Variants in SOD2 observed in about 807,000 individuals in gnomAD.
SOD2 encodes superoxide dismutase 2, also known as superoxide dismutase [Mn], mitochondrial.
A neutral mutation model predicts 27.0 loss-of-function variants in SOD2; 11 were observed. That is an observed-to-expected ratio of 0.41 (90% CI 0.26 to 0.67). The LOEUF (loss-of-function observed/expected upper bound fraction) is 0.67. Ranked by LOEUF, SOD2 falls within the 30% of genes least tolerant of loss-of-function variation. The probability of loss-of-function intolerance (pLI) is 0.34; values close to 1 mark genes in which losing one functional copy is unlikely to be tolerated. For synonymous variants in SOD2, 105 were observed against 103.0 expected, an observed-to-expected ratio of 1.02 and a Z score of -0.12; for missense variants, 250 against 274.5, an observed-to-expected ratio of 0.91 and a Z score of 0.63.
intron 1 of SOD2, among the ~76,000 whole-genome samples, chr6:159,706,676 T>C (rs1023957474): frequency 3.3e-5 from 5 of 152,166 alleles, no homozygotes; most frequent in East Asian, 1.9e-4. Context: ...ATGGGAGACT[T>C]TAACACCCCA....
At chr6:159,693,798 G>A (rs1212144179), upstream of SOD2, among the ~76,000 whole-genome samples, 1 of 152,200 alleles carries the variant, frequency 6.6e-6, no homozygotes, top group African/African-American at 2.4e-5. Context: ...TAGAGCCAGC[G>A]CCCTTCCAAC....
chr6:159,719,726 ATTTTC>A (rs1347885192), intron 1 of SOD2, among the ~76,000 whole-genome samples: 1 of 89,716 alleles, frequency 1.1e-5, no homozygotes, highest in East Asian at 3.0e-4. Flanking sequence ...TTTTTCTTTT[ATTTTC>A]TTTTTTTTTT....
chr6:159,726,955 G>A (rs769992655), intron 1 of SOD2: 28 of 1,287,190 alleles, frequency 2.2e-5, no homozygotes, highest in South Asian at 1.9e-4. Context: ...ACGGATGAGC[G>A]TCACGAACAC....
upstream of SOD2, chr6:159,749,156 A>G: frequency 9.1e-6 from 9 of 985,990 alleles, no homozygotes; most frequent in African/African-American, 1.7e-5. Context: ...CTGTACAAAC[A>G]TGAAGGTGTG....
At chr6:159,689,682 G>A (rs570163672) in intron 2 of SOD2, among the ~76,000 whole-genome samples, 8 of 152,162 alleles carry the variant, frequency 5.3e-5, no homozygotes, top group Non-Finnish European at 1.0e-4. Flanking sequence ...TGTCTGGGCC[G>A]GGTGCGGTGG....
At chr6:159,742,196 G>A in intron 1 of SOD2, 1 of 1,413,094 alleles carries the variant, frequency 7.1e-7, no homozygotes, top group Non-Finnish European at 9.8e-7. Flanking sequence ...CCTTTTGATT[G>A]TTAAAATCAA....
At chr6:159,697,077 A>ACACACACC (rs974599812), upstream of SOD2, among the ~76,000 whole-genome samples, 4 of 149,528 alleles carry the variant, frequency 2.7e-5, 1 homozygote, top group Admixed American at 1.3e-4. Context: ...ACACACACAC[A>ACACACACC]CACGCAGTCA....
intron 1 of SOD2, among the ~76,000 whole-genome samples, chr6:159,754,284 T>C (rs551773608): frequency 1.3e-5 from 2 of 152,372 alleles, no homozygotes; most frequent in East Asian, 3.9e-4. Context: ...AATTATTTCC[T>C]GTGACTTTTG....
intron 1 of SOD2, among the ~76,000 whole-genome samples, chr6:159,720,049 G>A (rs529267911): frequency 1.1e-4 from 16 of 144,214 alleles, no homozygotes; most frequent in African/African-American, 4.1e-4. Context: ...TTTGGTGGGG[G>A]GGACAGAGTC....
chr6:159,693,594 G>C (rs972298989), upstream of SOD2, among the ~76,000 whole-genome samples: 6 of 152,184 alleles, frequency 3.9e-5, no homozygotes, highest in East Asian at 1.2e-3. Flanking sequence ...TGAGGGTGCC[G>C]GCGGGGATCT....
chr6:159,689,767 C>A (rs569674018), intron 2 of SOD2, among the ~76,000 whole-genome samples: 12 of 152,032 alleles, frequency 7.9e-5, no homozygotes, highest in Admixed American at 7.2e-4. Flanking sequence ...CAAGACCGGC[C>A]TGGCCAACAT....
At chr6:159,737,472 A>G (rs1778991895) in intron 1 of SOD2, among the ~76,000 whole-genome samples, 1 of 152,254 alleles carries the variant, frequency 6.6e-6, no homozygotes, top group East Asian at 1.9e-4. Context: ...GTAAGGGAAT[A>G]CTAATAAAGC....
intron 1 of SOD2, chr6:159,726,942 A>G (rs1350786925): frequency 3.9e-6 from 5 of 1,288,212 alleles, no homozygotes; most frequent in Middle Eastern, 2.3e-4. Context: ...ACGCGGAAGC[A>G]TCACGGATGA....
At chr6:159,726,432 A>G (rs1778172373) in intron 1 of SOD2, 1 of 174,424 alleles carries the variant, frequency 5.7e-6, no homozygotes, top group East Asian at 1.7e-4. Context: ...TTATCCTAAT[A>G]AATCACCTTA....
intron 1 of SOD2, among the ~76,000 whole-genome samples, chr6:159,703,552 AAAT>A (rs143858199): frequency 0.048 from 7,245 of 152,262 alleles, 221 homozygotes; most frequent in Non-Finnish European, 0.073. Flanking sequence ...TTACATCTTA[AAAT>A]TGTCCCATAT....
chr6:159,735,526 G>A lies in SOD2; in HGVS notation c.-116+9604C>T, dbSNP rs1035441599. ...AGCACTTTGGGAGGCCAAGGCGGAC[G>A]GGTTGCAATGTCAGGAGTTCGAGAC... On this transcript the variant is annotated intron_variant, in intron 1 of 3. Transcript: ENST00000537657. Among the ~76,000 whole-genome samples, 7 of 152,080 alleles carry A rather than the reference G, an allele frequency of 4.6e-5. No homozygotes were observed. The East Asian group carries it at 7.7e-4, about 17-fold the overall frequency.
chr6:159,715,984 A>C (rs1206580372), intron 1 of SOD2, among the ~76,000 whole-genome samples: 1 of 152,174 alleles, frequency 6.6e-6, no homozygotes, highest in Non-Finnish European at 1.5e-5. Context: ...TTGTCTTATA[A>C]AAGTTTGGTT....
At chr6:159,723,975 C>A (rs370135041) in intron 1 of SOD2, among the ~76,000 whole-genome samples, 6 of 152,314 alleles carry the variant, frequency 3.9e-5, no homozygotes, top group South Asian at 2.1e-4. Context: ...GTTGCCCAGG[C>A]TGGTCTTGAA....
At chr6:159,685,675 T>C (rs995742035) in intron 3 of SOD2, among the ~76,000 whole-genome samples, 752 of 42,064 alleles carry the variant, frequency 0.018, 1 homozygote, top group Non-Finnish European at 0.033. Context: ...TCACCCCCCG[T>C]CCCCTTCTTT....
Sources: allele counts gnomAD v4.1 joint callset (sites outside exome capture counted in the v4.1 genomes callset), GRCh38; gene constraint gnomAD v4.1.1; transcripts MANE v1.5; gene names NCBI Gene and HGNC (gene_info 2026-07-23, HGNC 2026-07-21).